The following TTC28 variants were observed in gnomAD, a reference collection of about 807,000 sequenced individuals.
TTC28 encodes the protein tetratricopeptide repeat domain 28, also known as tetratricopeptide repeat protein 28.
TTC28 carries 61 observed loss-of-function variants against 198.0 expected under a neutral mutation model. The ratio of observed to expected loss-of-function variants is 0.31; its 90% CI spans 0.25 to 0.38. TTC28 has a LOEUF of 0.38. Ranked by LOEUF, TTC28 falls within the 10% of genes least tolerant of loss-of-function variation. The pLI is 1.00. For missense variants in TTC28, 2,678 were observed against 3,164.0 expected (o/e 0.85, Z 3.69); for synonymous variants, 1,171 against 1,297.8 (o/e 0.90, Z 2.10).
intron 6 of TTC28, among the ~76,000 whole-genome samples, chr22:28,116,815 T>C (rs1352453715): frequency 1.3e-5 from 2 of 152,154 alleles, no homozygotes; most frequent in Non-Finnish European, 1.5e-5. Context: ...CTACAAAGTG[T>C]AGTCAAGTGG....
At chr22:28,427,521 G>A (rs1306030039) in intron 2 of TTC28, among the ~76,000 whole-genome samples, 2 of 152,060 alleles carry the variant, frequency 1.3e-5, no homozygotes, top group Non-Finnish European at 2.9e-5. Context: ...GTTTGGAGGC[G>A]GGCGCCTGTA....
At chr22:28,286,163 G>A (rs2145750409) in intron 5 of TTC28, among the ~76,000 whole-genome samples, 1 of 151,726 alleles carries the variant, frequency 6.6e-6, no homozygotes, top group South Asian at 2.1e-4. Flanking sequence ...ATCATTTGGA[G>A]AACAATACCA....
intron 12 of TTC28, among the ~76,000 whole-genome samples, chr22:28,075,497 G>A (rs1011522053): frequency 2.0e-5 from 3 of 152,142 alleles, no homozygotes; most frequent in Admixed American, 6.5e-5. Flanking sequence ...AACAAGACAG[G>A]ACACAAGAGA....
chr22:28,469,624 T>C (rs1349019578), intron 2 of TTC28, among the ~76,000 whole-genome samples: 1 of 152,030 alleles, frequency 6.6e-6, no homozygotes, highest in African/African-American at 2.4e-5. Context: ...CCATACTGCT[T>C]TGAAGATGAA....
intron 2 of TTC28, among the ~76,000 whole-genome samples, chr22:28,565,552 A>G (rs2049955195): frequency 6.6e-6 from 1 of 152,210 alleles, no homozygotes; most frequent in South Asian, 2.1e-4. Flanking sequence ...ATGTCATAAG[A>G]CTATAAAAAG....
At chr22:28,032,742 C>G (rs954666289) in intron 12 of TTC28, among the ~76,000 whole-genome samples, 2 of 152,138 alleles carry the variant, frequency 1.3e-5, no homozygotes, top group African/African-American at 4.8e-5. Context: ...CTCCCTCCCC[C>G]TCCCCCTAAA....
chr22:28,598,613 CAACA>C (rs1317411167), intron 2 of TTC28, among the ~76,000 whole-genome samples: 1 of 150,248 alleles, frequency 6.7e-6, no homozygotes, highest in Non-Finnish European at 1.5e-5. Context: ...TACTTCTAAC[CAACA>C]AATAGTTACA....
At position 27,990,003 on chromosome 22, in the gene TTC28, T is replaced by C. The variant is rs1438689888; in HGVS notation, c.5582A>G (p.His1861Arg). ...AGCCTGGAGCTGAACCAGCACCTGG[T>C]GGAGCTGAGGAAGGGGGGACAGCGT... ...RAVKNMVGML[H>R]QVLVQLQAGE... Residue 1861 changes from histidine (H) to arginine (R), a missense_variant, in exon 21 of 23, where the codon CAC (histidine) becomes CGC (arginine). This residue lies in a region of TTC28 where 314 missense variants were observed against 442.7 expected (regional missense o/e 0.71). Transcript: ENST00000397906. The C allele has an allele frequency of 6.4e-7, 1 of 1,550,568 alleles. No individual in the cohort carries two copies. The highest frequency in any genetic ancestry group is 8.7e-7 in the Non-Finnish European group (1 of 1,146,496).
At chr22:28,494,700 A>C (rs1258656841) in intron 2 of TTC28, among the ~76,000 whole-genome samples, 1 of 152,168 alleles carries the variant, frequency 6.6e-6, no homozygotes, top group Non-Finnish European at 1.5e-5. Flanking sequence ...AATTCTAATA[A>C]ACTTCAGTTT....
intron 6 of TTC28, among the ~76,000 whole-genome samples, chr22:28,141,935 A>C (rs1277007948): frequency 6.6e-6 from 1 of 152,220 alleles, no homozygotes; most frequent in Non-Finnish European, 1.5e-5. Context: ...CTTCTTAAGT[A>C]ACTATAATTT....
At chr22:28,582,962 G>A (rs2050253557) in intron 2 of TTC28, among the ~76,000 whole-genome samples, 2 of 152,102 alleles carry the variant, frequency 1.3e-5, no homozygotes, top group Non-Finnish European at 2.9e-5. Context: ...AATACCCAGA[G>A]GAAAGAGTGT....
chr22:28,523,645 C>T (rs1348515434), intron 2 of TTC28, among the ~76,000 whole-genome samples: 1 of 152,152 alleles, frequency 6.6e-6, no homozygotes, highest in Non-Finnish European at 1.5e-5. Flanking sequence ...GATGCATCAT[C>T]ATTTCAATTT....
intron 2 of TTC28, among the ~76,000 whole-genome samples, chr22:28,513,516 A>C (rs5762666): frequency 2.6e-5 from 4 of 152,116 alleles, no homozygotes; most frequent in Non-Finnish European, 5.9e-5. Flanking sequence ...AGGCAGGAGA[A>C]GCACTTGAGC....
chr22:28,579,737 G>C (rs1476514049), intron 2 of TTC28, among the ~76,000 whole-genome samples: 2 of 151,884 alleles, frequency 1.3e-5, no homozygotes, highest in Non-Finnish European at 2.9e-5. Context: ...GGAGGCCAAG[G>C]GGGAGCAGAT....
chr22:28,358,468 A>G (rs1230154446), intron 2 of TTC28, among the ~76,000 whole-genome samples: 1 of 152,188 alleles, frequency 6.6e-6, no homozygotes, highest in Non-Finnish European at 1.5e-5. Context: ...TGTCAGTTTG[A>G]ACTTCTGACT....
At chr22:28,147,063 C>T (rs1943486013) in intron 6 of TTC28, among the ~76,000 whole-genome samples, 1 of 152,124 alleles carries the variant, frequency 6.6e-6, no homozygotes, top group East Asian at 1.9e-4. Context: ...GCTAACAAAG[C>T]TATTTGAAAG....
At chr22:28,071,770 A>G (rs1220119331) in intron 12 of TTC28, among the ~76,000 whole-genome samples, 3 of 151,664 alleles carry the variant, frequency 2.0e-5, no homozygotes, top group African/African-American at 4.8e-5. Flanking sequence ...AAAAAAGAAA[A>G]ACACAAGTTT....
At chr22:28,197,552 A>G (rs1306710816) in intron 5 of TTC28, among the ~76,000 whole-genome samples, 1 of 152,172 alleles carries the variant, frequency 6.6e-6, no homozygotes, top group Non-Finnish European at 1.5e-5. Context: ...AAGGACTTTT[A>G]AAGCCTAAAA....
intron 2 of TTC28, among the ~76,000 whole-genome samples, chr22:28,307,859 T>C (rs975223048): frequency 1.3e-5 from 2 of 152,118 alleles, no homozygotes; most frequent in Admixed American, 1.3e-4. Context: ...AAATGAAGTT[T>C]CAAACTCTTA....
Sources: gnomAD v4.1 joint callset for allele counts (sites outside exome capture counted in the v4.1 genomes callset) on GRCh38, gnomAD v4.1.1 for gene constraint, gnomAD v4.1.1 regional missense constraint, MANE v1.5 for transcripts, NCBI Gene and HGNC (gene_info 2026-07-23, HGNC 2026-07-21) for gene names.